LTBP1: variants seen among roughly 807,000 people sequenced by gnomAD.
LTBP1 encodes latent transforming growth factor beta binding protein 1.
A neutral mutation model predicts 207.6 loss-of-function variants in LTBP1; 129 were observed. That is an observed-to-expected ratio of 0.62 (90% CI 0.54 to 0.72). The LOEUF (loss-of-function observed/expected upper bound fraction) is 0.72. Among genes scored for constraint, LTBP1 ranks in the 30% least tolerant of loss-of-function variants. LTBP1 has a pLI of 0.00. For synonymous variants in LTBP1, 963 were observed against 833.7 expected, an observed-to-expected ratio of 1.16 and a Z score of -2.67; for missense variants, 2,281 against 2,217.2, an observed-to-expected ratio of 1.03 and a Z score of -0.58.
In LTBP1 at chr2:33,376,557, G is replaced by A. The variant is rs137919772; in HGVS notation, c.4711+11054G>A. Among the ~76,000 whole-genome samples, 526 of 152,306 alleles carry A rather than the reference G, an allele frequency of 3.5e-3. 4 individuals carry two copies. The highest frequency in any genetic ancestry group is 0.02 in the Middle Eastern group (6 of 294). On this transcript the variant is annotated intron_variant, in intron 31 of 33. Transcript: ENST00000404816. ...GTCTGCCCTGCCCACCATAGGATGC[G>A]GAGCACCTTCTTGCTTCCGTGCTAA...
At chr2:33,310,903 C>G (rs2094176271) in intron 23 of LTBP1, among the ~76,000 whole-genome samples, 1 of 151,728 alleles carries the variant, frequency 6.6e-6, no homozygotes, top group African/African-American at 2.4e-5. Context: ...TTTTTGATAC[C>G]CAATAAATGT....
chr2:33,075,106 G>T (rs190545930), intron 3 of LTBP1, among the ~76,000 whole-genome samples: 2 of 152,128 alleles, frequency 1.3e-5, no homozygotes, highest in Non-Finnish European at 2.9e-5. Flanking sequence ...TGTTGTGGTG[G>T]TAAAATTTCA....
At chr2:33,115,045 C>T (rs201100534) in intron 4 of LTBP1, among the ~76,000 whole-genome samples, 18,360 of 147,170 alleles carry the variant, frequency 0.12, 1,556 homozygotes, top group East Asian at 0.45. Context: ...TATACACACA[C>T]ACACACACAC....
At chr2:33,013,337 A>C (rs1051463921) in intron 2 of LTBP1, among the ~76,000 whole-genome samples, 2 of 151,796 alleles carry the variant, frequency 1.3e-5, no homozygotes, top group Admixed American at 1.3e-4. Context: ...TTACCCTATA[A>C]GTTTCTTTAC....
rs187759430 is a variant in LTBP1, at chr2:33,051,771, C to G, written c.863+30565C>G. Among the ~76,000 whole-genome samples the G allele has an allele frequency of 5.5e-4, 84 of 152,286 alleles. 1 individual carries two copies. Among genetic ancestry groups the G allele is most frequent in the African/African-American group, 2.0e-3 (82 of 41,554 alleles). Reference sequence around the variant, plus strand: ...GGCCCTGAGATGTTGGTGACTCATTCAAAGCCACTTTATGTCTGCTTCTAC... The same window carrying G: ...GGCCCTGAGATGTTGGTGACTCATTGAAAGCCACTTTATGTCTGCTTCTAC... On this transcript the variant is annotated intron_variant, in intron 3 of 33. Coordinates refer to ENST00000404816, the MANE Select transcript of LTBP1 (RefSeq NM_206943.4).
intron 31 of LTBP1, among the ~76,000 whole-genome samples, chr2:33,387,623 C>T (rs1334534940): frequency 2.0e-5 from 3 of 152,110 alleles, no homozygotes; most frequent in Admixed American, 6.6e-5. Context: ...TGTGTGTGCA[C>T]GTGTGCACAT....
In LTBP1 at chr2:33,363,452, C is replaced by A; in HGVS notation, c.4333C>A (p.Arg1445=). 2 of 1,613,878 alleles carry A rather than the reference C, an allele frequency of 1.2e-6. No individual in the cohort carries two copies. Among genetic ancestry groups the A allele is most frequent in the South Asian group, 1.1e-5 (1 of 91,062 alleles). ...ICKNGFCLNT[R]PGYECYCKQG... is the part of the protein sequence containing the mutation. ...CAAAAATGGTTTCTGTTTGAACACT[C>A]GGCCTGGGTATGAATGCTACTGTAA... Residue 1445 remains arginine, a synonymous_variant, in exon 29 of 34, where the codon CGG becomes AGG. Transcript: ENST00000404816.
chr2:33,005,801 G>C (rs1385665224), intron 2 of LTBP1, among the ~76,000 whole-genome samples: 2 of 152,066 alleles, frequency 1.3e-5, no homozygotes, highest in Admixed American at 1.3e-4. Flanking sequence ...TGGGTAGGCT[G>C]CTCTCGAACT....
chr2:33,297,323 A>G (rs900835026), intron 20 of LTBP1, among the ~76,000 whole-genome samples: 1 of 152,090 alleles, frequency 6.6e-6, no homozygotes, highest in Non-Finnish European at 1.5e-5. Context: ...AGTAGGAAGC[A>G]TTATTGTTCC....
At chr2:33,332,724 C>A (rs114259709) in intron 24 of LTBP1, among the ~76,000 whole-genome samples, 2 of 151,758 alleles carry the variant, frequency 1.3e-5, no homozygotes, top group Non-Finnish European at 2.9e-5. Context: ...GCCCAGCTAA[C>A]GTTTTTTGTA....
intron 5 of LTBP1, among the ~76,000 whole-genome samples, chr2:33,176,481 T>C (rs1294403276): frequency 6.6e-6 from 1 of 152,176 alleles, no homozygotes. Context: ...TGCCTCAGCC[T>C]CCCAAAGTGC....
chr2:32,980,247 T>G (rs918540836), intron 2 of LTBP1, among the ~76,000 whole-genome samples: 2 of 152,160 alleles, frequency 1.3e-5, no homozygotes, highest in Admixed American at 6.5e-5. Flanking sequence ...TCTTTCTGTT[T>G]TCGTTTTAGT....
rs779168923 is a variant in LTBP1 at position 32,975,583 on chromosome 2, G to GTTTTTTTTTTTTTTTTTTTTTT, written c.565+26655_565+26676dup. ...TTGTTGGAGGTTTCATTCATTCTTT[G>GTTTTTTTTTTTTTTTTTTTTTT]TTTTTTTTTTTTTTTTTTTTTTTTT... On this transcript the variant is annotated intron_variant, in intron 2 of 33. Coordinates refer to ENST00000404816, the MANE Select transcript of LTBP1 (RefSeq NM_206943.4). Among the ~76,000 whole-genome samples, 7 of 31,360 alleles carry GTTTTTTTTTTTTTTTTTTTTTT rather than the reference G, an allele frequency of 2.2e-4. 3 individuals are homozygous for GTTTTTTTTTTTTTTTTTTTTTT. Among genetic ancestry groups the GTTTTTTTTTTTTTTTTTTTTTT allele is most frequent in the African/African-American group, 6.9e-4 (5 of 7,258 alleles). The allele number at this position is 31,360 out of a possible 152,430, so 20.6% of individuals were successfully genotyped here. A position where few individuals can be genotyped will look rare whatever the true frequency, so the allele number is the denominator to read the frequency against.
intron 26 of LTBP1, among the ~76,000 whole-genome samples, chr2:33,358,706 T>C (rs559528212): frequency 1.3e-5 from 2 of 152,298 alleles, no homozygotes; most frequent in South Asian, 2.1e-4. Flanking sequence ...TATTTATTAA[T>C]AGCTAGCTAC....
At chr2:33,015,446 C>T (rs1688245977) in intron 2 of LTBP1, among the ~76,000 whole-genome samples, 2 of 152,302 alleles carry the variant, frequency 1.3e-5, no homozygotes, top group Middle Eastern at 3.4e-3. Context: ...ATGTTTATAT[C>T]AGTCAGTCAA....
chr2:33,378,086 C>G (rs1312745549), intron 31 of LTBP1, among the ~76,000 whole-genome samples: 2 of 152,008 alleles, frequency 1.3e-5, no homozygotes, highest in Admixed American at 1.3e-4. Context: ...CCTGTGAAAT[C>G]AGAGATTATG....
At chr2:33,145,655 T>C (rs768128247) in intron 5 of LTBP1, among the ~76,000 whole-genome samples, 46 of 152,186 alleles carry the variant, frequency 3.0e-4, no homozygotes, top group Non-Finnish European at 1.3e-4. Flanking sequence ...GCCAGCTGTT[T>C]TATTGGGTGT....
At chr2:33,104,016 T>C (rs1488067043) in intron 3 of LTBP1, among the ~76,000 whole-genome samples, 4 of 152,146 alleles carry the variant, frequency 2.6e-5, no homozygotes, top group Non-Finnish European at 5.9e-5. Context: ...TGGGAAACTT[T>C]TTGTGGCCTA....
At chr2:33,129,123 A>G (rs371071734) in intron 4 of LTBP1, among the ~76,000 whole-genome samples, 82 of 152,276 alleles carry the variant, frequency 5.4e-4, no homozygotes, top group African/African-American at 1.9e-3. Context: ...AATGATGGGG[A>G]AAAAAAAGTA....
Sources: gnomAD v4.1 joint callset for allele counts (sites outside exome capture counted in the v4.1 genomes callset) on GRCh38, gnomAD v4.1.1 for gene constraint, MANE v1.5 for transcripts, NCBI Gene and HGNC (gene_info 2026-07-23, HGNC 2026-07-21) for gene names.